The following RBFOX1 variants were observed in gnomAD, a reference collection of about 807,000 sequenced individuals.
The protein encoded by RBFOX1 is RNA binding fox-1 homolog 1.
RBFOX1 carries 8 observed loss-of-function variants against 57.7 expected under a neutral mutation model. The observed-to-expected ratio is 0.14, with a 90% CI of 0.08 to 0.25. The LOEUF is 0.25. RBFOX1 is among the 10% of genes least tolerant of loss of function. The pLI is 1.00. For missense variants in RBFOX1, 611 were observed against 548.5 expected (o/e 1.11, Z -1.14); for synonymous variants, 326 against 222.4 (o/e 1.47, Z -4.15).
chr16:5,436,605 C>A (rs2067925206), intron 1 of RBFOX1, among the ~76,000 whole-genome samples: 1 of 152,116 alleles, frequency 6.6e-6, no homozygotes, highest in South Asian at 2.1e-4. Flanking sequence ...GTTTGGGAGG[C>A]TGAGGGTGGG....
chr16:7,444,338 T>C (rs995102168), intron 4 of RBFOX1, among the ~76,000 whole-genome samples: 3 of 152,154 alleles, frequency 2.0e-5, no homozygotes, highest in East Asian at 3.9e-4. Flanking sequence ...TCGTAAGATA[T>C]ACCTATTCAG....
chr16:6,604,127 C>T (rs896256835), intron 2 of RBFOX1, among the ~76,000 whole-genome samples: 11 of 152,010 alleles, frequency 7.2e-5, no homozygotes, highest in Admixed American at 2.6e-4. Flanking sequence ...ACTCCCCTTA[C>T]TGTTGGCAGC....
At chr16:5,608,907 AG>A (rs1413899954) in intron 3 of RBFOX1, among the ~76,000 whole-genome samples, 3 of 152,220 alleles carry the variant, frequency 2.0e-5, no homozygotes, top group African/African-American at 4.8e-5. Context: ...TAAGAAATGC[AG>A]TCTGTTTGCT....
intron 14 of RBFOX1, among the ~76,000 whole-genome samples, chr16:7,694,528 A>G (rs1227454584): frequency 2.0e-5 from 3 of 152,220 alleles, no homozygotes; most frequent in South Asian, 4.1e-4. Context: ...AGAGGTATGC[A>G]TGATGCATGC....
At chr16:7,190,840 A>T (rs983672629) in intron 4 of RBFOX1, among the ~76,000 whole-genome samples, 12 of 152,184 alleles carry the variant, frequency 7.9e-5, no homozygotes, top group Admixed American at 2.0e-4. Flanking sequence ...ATCTGCATAG[A>T]CGCACATGAT....
chr16:5,743,365 C>T (rs1432664958), intron 3 of RBFOX1, among the ~76,000 whole-genome samples: 2 of 152,134 alleles, frequency 1.3e-5, no homozygotes, highest in East Asian at 1.9e-4. Flanking sequence ...TAGAATCAGA[C>T]ATATCAGAGT....
intron 3 of RBFOX1, among the ~76,000 whole-genome samples, chr16:5,641,106 G>A (rs566321119): frequency 7.1e-6 from 1 of 140,496 alleles, no homozygotes; most frequent in South Asian, 2.3e-4. Flanking sequence ...GCATACACAT[G>A]CATACACACA....
chr16:6,129,926 T>C (rs1192168360), intron 1 of RBFOX1, among the ~76,000 whole-genome samples: 1 of 152,106 alleles, frequency 6.6e-6, no homozygotes, highest in East Asian at 1.9e-4. Context: ...CAACACAGAA[T>C]TGTATGACTG....
chr16:7,045,558 T>G (rs1470857628), intron 3 of RBFOX1, among the ~76,000 whole-genome samples: 1 of 152,216 alleles, frequency 6.6e-6, no homozygotes, highest in African/African-American at 2.4e-5. Flanking sequence ...GTAGGCCCCC[T>G]GGTTCCTTCA....
chr16:6,882,257 G>A (rs1056696585), intron 3 of RBFOX1, among the ~76,000 whole-genome samples: 1 of 152,104 alleles, frequency 6.6e-6, no homozygotes, highest in Non-Finnish European at 1.5e-5. Flanking sequence ...GAGGGAGAAG[G>A]CTTGGAGAGA....
chr16:6,689,078 A>G (rs2059855765), intron 3 of RBFOX1, among the ~76,000 whole-genome samples: 1 of 152,146 alleles, frequency 6.6e-6, no homozygotes, highest in African/African-American at 2.4e-5. Flanking sequence ...TGCTATTATG[A>G]ACAGTGCTGC....
intron 3 of RBFOX1, among the ~76,000 whole-genome samples, chr16:7,016,817 G>T (rs2093939552): frequency 6.6e-6 from 1 of 152,178 alleles, no homozygotes; most frequent in African/African-American, 2.4e-5. Context: ...GCCAGGTGAG[G>T]TTATTGTGAT....
chr16:6,654,468 T>G, intron 2 of RBFOX1, 135 bp from the exon 3 acceptor site: 1 of 672,852 alleles, frequency 1.5e-6, no homozygotes, highest in Non-Finnish European at 2.4e-6. Flanking sequence ...GAGCAATGAC[T>G]CGAGAAAGAA....
At chr16:5,555,721 T>G (rs188538611) in intron 2 of RBFOX1, among the ~76,000 whole-genome samples, 2 of 151,838 alleles carry the variant, frequency 1.3e-5, no homozygotes, top group Non-Finnish European at 2.9e-5. Context: ...ACAGGTTCAT[T>G]TGAAAGACCC....
At chr16:6,218,809 G>C (rs2097352867) in intron 1 of RBFOX1, among the ~76,000 whole-genome samples, 1 of 151,106 alleles carries the variant, frequency 6.6e-6, no homozygotes, top group African/African-American at 2.4e-5. Flanking sequence ...CGGAATCTCA[G>C]TTAAGCTTAT....
intron 4 of RBFOX1, among the ~76,000 whole-genome samples, chr16:7,400,236 C>T (rs2098218239): frequency 6.6e-6 from 1 of 152,128 alleles, no homozygotes; most frequent in Admixed American, 6.6e-5. Context: ...TGCACCTTCC[C>T]CAAAGCTCCC....
intron 2 of RBFOX1, among the ~76,000 whole-genome samples, chr16:6,547,222 C>A (rs1326943701): frequency 6.6e-6 from 1 of 152,170 alleles, no homozygotes; most frequent in Non-Finnish European, 1.5e-5. Flanking sequence ...CCTAAAGTGG[C>A]ATATAGTATC....
At chr16:6,080,303 CT>C (rs147022280) in intron 1 of RBFOX1, among the ~76,000 whole-genome samples, 6,891 of 152,222 alleles carry the variant, frequency 0.045, 213 homozygotes, top group Non-Finnish European at 0.065. Flanking sequence ...CCATTTTCTG[CT>C]TCACATGAAT....
At chr16:7,190,009 G>A (rs983622884) in intron 4 of RBFOX1, among the ~76,000 whole-genome samples, 1 of 152,140 alleles carries the variant, frequency 6.6e-6, no homozygotes, top group Non-Finnish European at 1.5e-5. Context: ...CTTATTAGAA[G>A]ACCAATAAGA....
Sources: gnomAD v4.1 joint callset for allele counts (sites outside exome capture counted in the v4.1 genomes callset) on GRCh38, gnomAD v4.1.1 for gene constraint, MANE v1.5 for transcripts, NCBI Gene and HGNC (gene_info 2026-07-23, HGNC 2026-07-21) for gene names.